The following ANKRD26 variants were observed in gnomAD, a reference collection of about 807,000 sequenced individuals.
ANKRD26 encodes the protein ankyrin repeat domain 26, also known as ankyrin repeat domain-containing protein 26.
Under a neutral mutation model 208.7 loss-of-function variants are expected in ANKRD26, and 141 were observed. That is an observed-to-expected ratio of 0.68 (90% confidence interval 0.59 to 0.78). The LOEUF (loss-of-function observed/expected upper bound fraction) is 0.78. Ranked by LOEUF, ANKRD26 falls within the 30% of genes least tolerant of loss-of-function variation. The pLI is 0.00. For synonymous variants in ANKRD26, 636 were observed against 660.4 expected (o/e 0.96, Z 0.57); for missense variants, 1,889 against 1,938.7 (o/e 0.97, Z 0.48).
chr10:26,972,560 G>A (rs1329704965), downstream of ANKRD26, among the ~76,000 whole-genome samples: 10 of 137,620 alleles, frequency 7.3e-5, no homozygotes, highest in Non-Finnish European at 3.2e-5. Flanking sequence ...CCAACCATTT[G>A]TTCTTTTTTT....
intron 15 of ANKRD26, among the ~76,000 whole-genome samples, chr10:27,055,320 C>G (rs2054801955): frequency 6.6e-6 from 1 of 152,140 alleles, no homozygotes; most frequent in Non-Finnish European, 1.5e-5. Context: ...CTTGGATCTA[C>G]TAAGCTCATG....
At chr10:26,963,903 G>GTTT in the ANKRD26 span, among the ~76,000 whole-genome samples, 265 of 71,826 alleles carry the variant, frequency 3.7e-3, 80 homozygotes, top group African/African-American at 0.02. Context: ...TGGTTGGTTG[G>GTTT]TTTTTTTTTT....
intron 3 of ANKRD26, among the ~76,000 whole-genome samples, chr10:27,092,988 CAGG>C (rs1458290172): frequency 6.6e-6 from 1 of 151,908 alleles, no homozygotes; most frequent in African/African-American, 2.4e-5. Context: ...GAGGCTGAGG[CAGG>C]AGAATTGCTT....
At chr10:27,080,686 C>CT in intron 6 of ANKRD26, 1 of 985,498 alleles carries the variant, frequency 1.0e-6, no homozygotes, top group Non-Finnish European at 1.2e-6. Flanking sequence ...CATCTCCAAC[C>CT]TTTAAGTCTT....
intron 15 of ANKRD26, among the ~76,000 whole-genome samples, chr10:27,057,745 T>A (rs1323483258): frequency 2.0e-5 from 3 of 152,158 alleles, no homozygotes; most frequent in Non-Finnish European, 1.5e-5. Context: ...GAGATCATCC[T>A]GGCCAACATG....
chr10:26,973,117 G>C (rs987025634), downstream of ANKRD26, among the ~76,000 whole-genome samples: 2 of 152,064 alleles, frequency 1.3e-5, no homozygotes, highest in Non-Finnish European at 2.9e-5. Context: ...TAAAACAAAT[G>C]TGTTCATTAT....
At chr10:27,053,105 T>TAACAAA (rs1002230718) in intron 16 of ANKRD26, among the ~76,000 whole-genome samples, 6 of 152,112 alleles carry the variant, frequency 3.9e-5, no homozygotes, top group African/African-American at 4.8e-5. Context: ...AGATTAACTA[T>TAACAAA]AACAAAAACA....
At chr10:27,032,660 CAAAAA>C (rs2053910634) in intron 25 of ANKRD26, among the ~76,000 whole-genome samples, 1 of 141,326 alleles carries the variant, frequency 7.1e-6, no homozygotes, top group South Asian at 2.3e-4. Context: ...AAACAAAAAA[CAAAAA>C]TTAGCTGGGC....
chr10:27,065,520 C>T (rs1037118797), intron 11 of ANKRD26, among the ~76,000 whole-genome samples: 2 of 152,058 alleles, frequency 1.3e-5, no homozygotes, highest in Non-Finnish European at 2.9e-5. Context: ...GACACTACTG[C>T]CTTCACGTTT....
chr10:27,001,462 A>T (rs1290580773), downstream of ANKRD26, among the ~76,000 whole-genome samples: 1 of 152,156 alleles, frequency 6.6e-6, no homozygotes, highest in Admixed American at 6.5e-5. Context: ...TCCGTGGTGA[A>T]ATGCACAGGG....
chr10:27,059,522 T>C (rs753832515), intron 15 of ANKRD26, among the ~76,000 whole-genome samples: 1 of 152,158 alleles, frequency 6.6e-6, no homozygotes, highest in Non-Finnish European at 1.5e-5. Flanking sequence ...GTTGGTTACC[T>C]CTATGCAATA....
intron 5 of ANKRD26, among the ~76,000 whole-genome samples, chr10:27,084,062 A>C (rs561984526): frequency 6.6e-6 from 1 of 152,138 alleles, no homozygotes; most frequent in South Asian, 2.1e-4. Context: ...AAAGTACAAA[A>C]AGTAGCCAGG....
intron 23 of ANKRD26, among the ~76,000 whole-genome samples, chr10:27,036,699 A>G (rs2054056803): frequency 6.6e-6 from 1 of 152,154 alleles, no homozygotes; most frequent in African/African-American, 2.4e-5. Flanking sequence ...TTTGTACCAA[A>G]ATAAGATACT....
At chr10:26,983,218 C>A (rs2134630286) in intron 3 of ANKRD26, among the ~76,000 whole-genome samples, 1 of 152,200 alleles carries the variant, frequency 6.6e-6, no homozygotes, top group East Asian at 1.9e-4. Context: ...TCTTTAATAT[C>A]TATTTGTGGT....
chr10:27,032,082 T>C (rs2053880480), intron 25 of ANKRD26, among the ~76,000 whole-genome samples: 1 of 152,236 alleles, frequency 6.6e-6, no homozygotes, highest in Admixed American at 6.5e-5. Context: ...TATAAAATAC[T>C]GTTTAACAGG....
chr10:27,093,840 G>T, intron 1 of ANKRD26, 41 bp from the exon 2 acceptor site: 1 of 1,389,092 alleles, frequency 7.2e-7, no homozygotes, highest in Non-Finnish European at 1.0e-6. Context: ...GTAGTGCACT[G>T]TCTCAAAACA....
intron 27 of ANKRD26, among the ~76,000 whole-genome samples, chr10:27,025,965 T>G (rs944136807): frequency 2.0e-5 from 3 of 152,186 alleles, no homozygotes; most frequent in Non-Finnish European, 4.4e-5. Context: ...TTATTTTGAG[T>G]GTAGTGTTAT....
At chr10:27,020,545 C>T (rs1009277630) in intron 29 of ANKRD26, among the ~76,000 whole-genome samples, 3 of 152,128 alleles carry the variant, frequency 2.0e-5, no homozygotes, top group African/African-American at 7.2e-5. Context: ...CACTTGCATA[C>T]GAGTGAGAAC....
intron 27 of ANKRD26, among the ~76,000 whole-genome samples, chr10:27,026,327 A>G (rs2053656089): frequency 6.6e-6 from 1 of 152,180 alleles, no homozygotes; most frequent in South Asian, 2.1e-4. Flanking sequence ...GAGTACTTTT[A>G]CTAAATTTTC....
Sources: allele counts gnomAD v4.1 joint callset (sites outside exome capture counted in the v4.1 genomes callset), GRCh38; gene constraint gnomAD v4.1.1; transcripts MANE v1.5; gene names NCBI Gene and HGNC (gene_info 2026-07-23, HGNC 2026-07-21).